Variants in HPS3 observed in about 807,000 individuals in gnomAD.
The protein encoded by HPS3 is BLOC-2 complex member HPS3.
Under a neutral mutation model 110.9 loss-of-function variants are expected in HPS3, and 79 were observed. The ratio of observed to expected loss-of-function variants is 0.71; its 90% CI spans 0.59 to 0.86. HPS3 has a LOEUF of 0.86. HPS3 is among the 40% of genes least tolerant of loss of function. The pLI is 0.00. For synonymous variants in HPS3, 428 were observed against 451.0 expected (o/e 0.95, Z 0.65); for missense variants, 1,197 against 1,206.2 (o/e 0.99, Z 0.11).
At chr3:149,144,624 A>G (rs1391933613) in intron 4 of HPS3, among the ~76,000 whole-genome samples, 1 of 152,198 alleles carries the variant, frequency 6.6e-6, no homozygotes, top group Non-Finnish European at 1.5e-5. Context: ...AAAATTTCCA[A>G]CAATCTGAAT....
chr3:149,157,236 G>A (rs1394125344), intron 8 of HPS3, 114 bp from the exon 9 acceptor site: 3 of 965,362 alleles, frequency 3.1e-6, no homozygotes, highest in East Asian at 2.6e-5. Flanking sequence ...TACTTTTAGG[G>A]TTTAATATGT....
chr3:149,141,134 C>T lies in HPS3; in HGVS notation c.830C>T (p.Thr277Met), dbSNP rs373328893. Residue 277 changes from threonine to methionine, a missense_variant, in exon 3 of 17, where the codon ACG becomes ATG. By Grantham distance (81) the Thr-to-Met change is moderately conservative (BLOSUM62 -1). Transcript: ENST00000296051. Reference sequence around the variant, plus strand: ...GGATTATCTGTTACACTGGAGTCTACGGGATTAGCTGATGAAAAAAGAAAA... The same window carrying T: ...GGATTATCTGTTACACTGGAGTCTATGGGATTAGCTGATGAAAAAAGAAAA... ...QSGLSVTLES[T>M]GLADEKRKYS... 39 of 1,611,654 alleles carry T rather than the reference C, an allele frequency of 2.4e-5. No individual in the cohort carries two copies. Among genetic ancestry groups the T allele is most frequent in the Admixed American group, 1.2e-4 (7 of 59,814 alleles).
chr3:149,134,884 A>G (rs1721996514), intron 1 of HPS3, among the ~76,000 whole-genome samples: 1 of 152,234 alleles, frequency 6.6e-6, no homozygotes, highest in Non-Finnish European at 1.5e-5. Flanking sequence ...CCCTGGGTAC[A>G]GCTCCTATTA....
chr3:149,166,609 C>A lies in HPS3; in HGVS notation c.2590-425C>A, dbSNP rs149444589. Among the ~76,000 whole-genome samples the A allele has an allele frequency of 6.7e-3, 1,015 of 152,110 alleles. 5 individuals carry two copies. The highest frequency in any genetic ancestry group is 0.011 in the Non-Finnish European group (768 of 67,988). Reference sequence around the variant, plus strand: ...GTAATGTTCCATTATCTGAGTGTGCCATATGTATTTACTCATCCTTTGTTG... The same window carrying A: ...GTAATGTTCCATTATCTGAGTGTGCAATATGTATTTACTCATCCTTTGTTG... On this transcript the variant is annotated intron_variant, in intron 14 of 16. Coordinates refer to ENST00000296051, the MANE Select transcript of HPS3 (RefSeq NM_032383.5).
chr3:149,159,327 T>C (rs1291577893), intron 10 of HPS3, among the ~76,000 whole-genome samples: 4 of 151,946 alleles, frequency 2.6e-5, no homozygotes, highest in African/African-American at 9.7e-5. Context: ...CTTTGGGAGG[T>C]TGAGGTGGGA....
intron 16 of HPS3, among the ~76,000 whole-genome samples, chr3:149,170,138 A>G (rs151051388): frequency 1.4e-4 from 21 of 152,370 alleles, no homozygotes; most frequent in African/African-American, 4.8e-4. Context: ...GTTATACATG[A>G]AAGTGCTTTA....
chr3:149,150,788 A>G (rs1275197127), intron 6 of HPS3, 108 bp downstream of exon 6: 2 of 872,672 alleles, frequency 2.3e-6, no homozygotes, highest in Admixed American at 1.8e-5. Flanking sequence ...AAAGAGCTTA[A>G]GGTTGTCTAA....
At chr3:149,152,816 T>G (rs1723214372) in intron 6 of HPS3, among the ~76,000 whole-genome samples, 1 of 152,164 alleles carries the variant, frequency 6.6e-6, no homozygotes, top group African/African-American at 2.4e-5. Context: ...TTTTGTGAGC[T>G]CCCAGAATAG....
At chr3:149,164,467 C>T (rs1724212054) in intron 14 of HPS3, among the ~76,000 whole-genome samples, 1 of 152,146 alleles carries the variant, frequency 6.6e-6, no homozygotes, top group Admixed American at 6.5e-5. Flanking sequence ...CTGACTGCAA[C>T]AGTGTTTTGG....
chr3:149,139,026 C>T (rs917981236), intron 1 of HPS3, among the ~76,000 whole-genome samples: 5 of 152,036 alleles, frequency 3.3e-5, no homozygotes, highest in African/African-American at 7.2e-5. Context: ...GAATCTGTAC[C>T]GTTAAAATAA....
intron 7 of HPS3, 102 bp from the exon 8 acceptor site, chr3:149,155,005 G>T: frequency 2.7e-6 from 2 of 738,226 alleles, no homozygotes; most frequent in South Asian, 2.9e-5. Flanking sequence ...AATAGTAAAT[G>T]AAAATGATTT....
chr3:149,157,030 C>T (rs1723497248), intron 8 of HPS3, among the ~76,000 whole-genome samples: 1 of 152,110 alleles, frequency 6.6e-6, no homozygotes, highest in South Asian at 2.1e-4. Flanking sequence ...AACATGTTCA[C>T]TAGTCTTACT....
intron 6 of HPS3, among the ~76,000 whole-genome samples, chr3:149,153,096 C>T (rs969451997): frequency 5.9e-5 from 9 of 152,214 alleles, no homozygotes; most frequent in African/African-American, 1.9e-4. Context: ...CCCATTTGGG[C>T]GTACCCCCAA....
chr3:149,130,349 C>T (rs1249151149), intron 1 of HPS3: 2 of 196,904 alleles, frequency 1.0e-5, no homozygotes, highest in Non-Finnish European at 2.1e-5. Flanking sequence ...GTACTCCCAG[C>T]TTTAACAATT....
At chr3:149,139,309 A>T (rs887531584) in intron 1 of HPS3, among the ~76,000 whole-genome samples, 15 of 152,184 alleles carry the variant, frequency 9.9e-5, no homozygotes, top group Non-Finnish European at 2.1e-4. Flanking sequence ...GTTCATTTTT[A>T]AAAAAGACAG....
chr3:149,140,363 T>G lies in HPS3; in HGVS notation c.577T>G (p.Phe193Val). The change falls in exon 2 of 17, where the codon TTT becomes GTT. Residue 193 changes from phenylalanine to valine, a missense_variant. Physicochemically the swap from Phe to Val is conservative, Grantham distance 50. Transcript: ENST00000296051. ...TAATATCACTCCTGTTGAGGTTTCTTTTTGTGTTGGATATGTTGCTGTCAT... is the reference window on the plus strand; with the variant it reads ...TAATATCACTCCTGTTGAGGTTTCTGTTTGTGTTGGATATGTTGCTGTCAT... ...IDNITPVEVS[F>V]CVGYVAVMSD... The G allele has an allele frequency of 6.2e-7, 1 of 1,610,462 alleles. No individual in the cohort carries two copies. The highest frequency in any genetic ancestry group is 1.1e-5 in the South Asian group (1 of 90,554).
intron 1 of HPS3, among the ~76,000 whole-genome samples, chr3:149,131,520 G>T (rs929012319): frequency 1.3e-5 from 2 of 152,130 alleles, no homozygotes; most frequent in African/African-American, 2.4e-5. Flanking sequence ...TAGTTTTGGG[G>T]TGCCATGAAC....
At chr3:149,131,888 T>C (rs1721802309) in intron 1 of HPS3, among the ~76,000 whole-genome samples, 2 of 152,228 alleles carry the variant, frequency 1.3e-5, no homozygotes, top group Non-Finnish European at 2.9e-5. Context: ...GAAAGCCTTA[T>C]TGCTGATAGG....
chr3:149,130,033 G>T, intron 1 of HPS3, 93 bp downstream of exon 1: 1 of 1,231,082 alleles, frequency 8.1e-7, no homozygotes, highest in Non-Finnish European at 1.1e-6. Flanking sequence ...TCTAGCTAGG[G>T]ATGGGACTTC....
Sources: gnomAD v4.1 joint callset for allele counts (sites outside exome capture counted in the v4.1 genomes callset) on GRCh38, gnomAD v4.1.1 for gene constraint, MANE v1.5 for transcripts, NCBI Gene and HGNC (gene_info 2026-07-23, HGNC 2026-07-21) for gene names.